RIMS2: variants seen among roughly 807,000 people sequenced by gnomAD.
RIMS2 encodes regulating synaptic membrane exocytosis 2.
A neutral mutation model predicts 174.4 loss-of-function variants in RIMS2; 59 were observed. That is an observed-to-expected ratio of 0.34 (90% CI 0.27 to 0.42). The LOEUF is 0.42. Ranked by LOEUF, RIMS2 falls within the 10% of genes least tolerant of loss-of-function variation. RIMS2 has a pLI of 1.00. For missense variants in RIMS2, 1,620 were observed against 1,666.3 expected (o/e 0.97, Z 0.48); for synonymous variants, 606 against 572.5 (o/e 1.06, Z -0.84).
chr8:103,745,158 C>T (rs1012542877), intron 2 of RIMS2, among the ~76,000 whole-genome samples: 1 of 152,180 alleles, frequency 6.6e-6, no homozygotes, highest in African/African-American at 2.4e-5. Flanking sequence ...TCCCAAAAAA[C>T]CCCTGTACCC....
intron 11 of RIMS2, among the ~76,000 whole-genome samples, chr8:103,929,611 T>C (rs2079506749): frequency 6.6e-6 from 1 of 151,802 alleles, no homozygotes; most frequent in Non-Finnish European, 1.5e-5. Flanking sequence ...TTAAAACTGG[T>C]GAAAATAGAG....
At chr8:103,718,902 G>A (rs1416135134) in intron 2 of RIMS2, among the ~76,000 whole-genome samples, 1 of 151,816 alleles carries the variant, frequency 6.6e-6, no homozygotes, top group Admixed American at 6.6e-5. Context: ...CAAATGCCTC[G>A]GCCTCCTGAA....
chr8:104,233,595 A>G (rs1188158954), intron 19 of RIMS2, among the ~76,000 whole-genome samples: 10 of 152,282 alleles, frequency 6.6e-5, no homozygotes, highest in Non-Finnish European at 1.0e-4. Context: ...TTTATTCTCT[A>G]TGGCCACGAA....
At chr8:103,650,064 C>T (rs1424501109) in intron 1 of RIMS2, among the ~76,000 whole-genome samples, 1 of 152,062 alleles carries the variant, frequency 6.6e-6, no homozygotes, top group Non-Finnish European at 1.5e-5. Context: ...GGCTTACCTA[C>T]CTTTGGTCTT....
At chr8:104,151,961 G>A (rs2098692519) in intron 19 of RIMS2, among the ~76,000 whole-genome samples, 1 of 152,064 alleles carries the variant, frequency 6.6e-6, no homozygotes, top group Admixed American at 6.6e-5. Flanking sequence ...AATTAAGAGG[G>A]TAGAATATTC....
chr8:103,787,446 A>G (rs1208568706), intron 3 of RIMS2, among the ~76,000 whole-genome samples: 3 of 148,280 alleles, frequency 2.0e-5, no homozygotes, highest in Non-Finnish European at 4.5e-5. Context: ...TTCCTTCAGG[A>G]GCTCTTTTAG....
At chr8:103,797,492 T>C (rs568601938) in intron 3 of RIMS2, among the ~76,000 whole-genome samples, 3 of 152,290 alleles carry the variant, frequency 2.0e-5, no homozygotes, top group East Asian at 3.9e-4. Context: ...CTTCATATCT[T>C]TTACTTGTTA....
At chr8:103,845,004 A>AT (rs1274048493) in intron 3 of RIMS2, among the ~76,000 whole-genome samples, 4 of 152,102 alleles carry the variant, frequency 2.6e-5, no homozygotes, top group Non-Finnish European at 4.4e-5. Flanking sequence ...AAGATTTTTA[A>AT]TTTTTTTGTG....
intron 19 of RIMS2, among the ~76,000 whole-genome samples, chr8:104,049,805 A>T (rs1597756139): frequency 6.6e-6 from 1 of 152,386 alleles, no homozygotes; most frequent in East Asian, 1.9e-4. Flanking sequence ...CTCATTTAGG[A>T]TTGAAGAGTT....
intron 4 of RIMS2, among the ~76,000 whole-genome samples, chr8:103,888,131 C>A (rs79153912): frequency 6.6e-6 from 1 of 150,940 alleles, no homozygotes; most frequent in African/African-American, 2.4e-5. Flanking sequence ...TTGGACATAT[C>A]GGTGAAATTC....
chr8:103,983,358 G>A (rs1231325216), intron 16 of RIMS2, among the ~76,000 whole-genome samples: 1 of 152,124 alleles, frequency 6.6e-6, no homozygotes, highest in African/African-American at 2.4e-5. Flanking sequence ...ATCCCTATCA[G>A]AATACCAATG....
Position 104,179,640 on chromosome 8 carries a change from A to G in RIMS2, c.3335-65276A>G, listed in dbSNP as rs1200243342. ...TTAAGTGGCTCAGCTAGGAAAATGT[A>G]GTAAAATAACAGCAAATTATTTTCA... On this transcript the variant is annotated intron_variant, in intron 19 of 23. Transcript: ENST00000504942. 2.0e-5 allele frequency among the ~76,000 whole-genome samples: 3 copies of G among 151,952 alleles called. No individual in the cohort carries two copies. In the East Asian group the frequency reaches 5.8e-4, roughly 29 times the overall value.
chr8:104,218,379 C>G (rs765971380), intron 19 of RIMS2, among the ~76,000 whole-genome samples: 2 of 152,092 alleles, frequency 1.3e-5, no homozygotes, highest in African/African-American at 4.8e-5. Flanking sequence ...TTGCATTCTC[C>G]TCATCATCAG....
intron 3 of RIMS2, among the ~76,000 whole-genome samples, chr8:103,868,969 A>G (rs181644138): frequency 2.7e-4 from 41 of 152,218 alleles, no homozygotes; most frequent in Non-Finnish European, 5.3e-4. Flanking sequence ...TAACTATTTA[A>G]CTGCAAGTAC....
At chr8:103,762,947 C>T (rs560223180) in intron 2 of RIMS2, among the ~76,000 whole-genome samples, 10 of 152,138 alleles carry the variant, frequency 6.6e-5, no homozygotes, top group South Asian at 4.2e-4. Context: ...GGTAAAAATA[C>T]GGTATTATAA....
chr8:104,071,996 C>T (rs934459448), intron 19 of RIMS2, among the ~76,000 whole-genome samples: 1 of 152,132 alleles, frequency 6.6e-6, no homozygotes, highest in African/African-American at 2.4e-5. Flanking sequence ...ATACTTATCA[C>T]TCTGTTTTCT....
At chr8:104,018,567 C>T (rs2095992010) in intron 19 of RIMS2, among the ~76,000 whole-genome samples, 1 of 152,118 alleles carries the variant, frequency 6.6e-6, no homozygotes, top group Non-Finnish European at 1.5e-5. Context: ...CATACACCTA[C>T]CCTTTACCCA....
intron 17 of RIMS2, chr8:103,998,240 A>C: frequency 2.5e-6 from 4 of 1,606,062 alleles, no homozygotes; most frequent in Non-Finnish European, 3.4e-6. Flanking sequence ...CCATCATCAC[A>C]GGGATGGCAG....
intron 3 of RIMS2, among the ~76,000 whole-genome samples, chr8:103,830,049 C>A (rs987905215): frequency 6.6e-6 from 1 of 151,800 alleles, no homozygotes; most frequent in Non-Finnish European, 1.5e-5. Context: ...TTTCATATTT[C>A]TTTATTATCT....
Sources: allele counts gnomAD v4.1 joint callset (sites outside exome capture counted in the v4.1 genomes callset), GRCh38; gene constraint gnomAD v4.1.1; transcripts MANE v1.5; gene names NCBI Gene and HGNC (gene_info 2026-07-23, HGNC 2026-07-21).